CHID1: variants seen among roughly 807,000 people sequenced by gnomAD.
CHID1 encodes chitinase domain containing 1, also known as chitinase domain-containing protein 1.
A neutral mutation model predicts 55.4 loss-of-function variants in CHID1; 44 were observed. The observed-to-expected ratio is 0.79, with a 90% confidence interval of 0.62 to 1.02. The LOEUF (loss-of-function observed/expected upper bound fraction) is 1.02, where lower values mean the gene tolerates loss of function less well. Among genes scored for constraint, CHID1 ranks in the 50% least tolerant of loss-of-function variants. The pLI is 0.00. For synonymous variants in CHID1, 216 were observed against 212.9 expected (o/e 1.01, Z -0.13); for missense variants, 491 against 515.3 (o/e 0.95, Z 0.46).
intron 7 of CHID1, among the ~76,000 whole-genome samples, chr11:898,524 G>A (rs569974132): frequency 6.6e-6 from 1 of 152,364 alleles, no homozygotes; most frequent in South Asian, 2.1e-4. Flanking sequence ...TGTCGAGGAC[G>A]CCCCCTACCA....
intron 7 of CHID1, among the ~76,000 whole-genome samples, chr11:896,941 A>C (rs1589876778): frequency 2.5e-5 from 1 of 40,510 alleles, no homozygotes; most frequent in African/African-American, 1.2e-4. Context: ...CAGCACCCCC[A>C]GCCTCCACCC....
chr11:908,942 C>A (rs1326278500), intron 1 of CHID1, among the ~76,000 whole-genome samples: 1 of 152,230 alleles, frequency 6.6e-6, no homozygotes, highest in Non-Finnish European at 1.5e-5. Context: ...AGAGGGGACA[C>A]TAGGAGAACC....
intron 1 of CHID1, chr11:910,564 C>G: frequency 8.8e-7 from 1 of 1,131,950 alleles, no homozygotes. Flanking sequence ...CACCCTCGCT[C>G]TCATAGCAAC....
chr11:879,109 G>A (rs1416276231), intron 10 of CHID1, among the ~76,000 whole-genome samples: 1 of 152,212 alleles, frequency 6.6e-6, no homozygotes, highest in African/African-American at 2.4e-5. Context: ...GCCTCCCAAA[G>A]TGCTGGGATT....
At chr11:900,234 G>A (rs1851707893) in intron 5 of CHID1, 124 bp from the exon 6 acceptor site, 2 of 697,410 alleles carry the variant, frequency 2.9e-6, no homozygotes, top group Non-Finnish European at 5.0e-6. Context: ...ACAGTGAGGG[G>A]CAGGGAGGCC....
chr11:886,315 C>T (rs1352239873), intron 8 of CHID1, among the ~76,000 whole-genome samples: 2 of 151,692 alleles, frequency 1.3e-5, no homozygotes, highest in South Asian at 2.1e-4. Flanking sequence ...AAAAATTAGC[C>T]GGGTGTGGTG....
At chr11:897,671 C>G (rs1022614112) in intron 7 of CHID1, among the ~76,000 whole-genome samples, 2 of 152,222 alleles carry the variant, frequency 1.3e-5, no homozygotes, top group Admixed American at 6.5e-5. Flanking sequence ...AGTGCGCCTC[C>G]CAGCCTCCCT....
intron 4 of CHID1, 49 bp from the exon 5 acceptor site, chr11:901,029 G>T (rs1203403461): frequency 6.5e-7 from 1 of 1,537,674 alleles, no homozygotes; most frequent in Non-Finnish European, 8.8e-7. Flanking sequence ...CGCCCAACTG[G>T]AAGACCCAGC....
Position 869,159 on chromosome 11 carries a change from G to C in CHID1, c.*699C>G, listed in dbSNP as rs117072969. ...CCCGATATGGCCCACGGGTCCTGCC[G>C]TTGCCCCTCACCATGCTCCCTGATG... On this transcript the variant is annotated 3_prime_UTR_variant, in exon 13 of 13. Transcript: ENST00000323578. The C allele has an allele frequency of 1.3e-5, 2 of 152,586 alleles. No homozygotes were observed. Among genetic ancestry groups the C allele is most frequent in the Non-Finnish European group, 2.9e-5 (2 of 68,320 alleles). 9.5% of individuals were successfully genotyped at this position (152,586 alleles called of 1,614,324 possible). A position where few individuals can be genotyped will look rare whatever the true frequency, so the allele number is the denominator to read the frequency against.
intron 7 of CHID1, among the ~76,000 whole-genome samples, chr11:898,933 G>A (rs1181240108): frequency 6.6e-6 from 1 of 152,200 alleles, no homozygotes; most frequent in Non-Finnish European, 1.5e-5. Context: ...CGTGCTCAGG[G>A]ACACCCCCAG....
intron 4 of CHID1, among the ~76,000 whole-genome samples, chr11:901,656 T>C (rs1006754160): frequency 2.0e-5 from 3 of 152,274 alleles, no homozygotes; most frequent in Middle Eastern, 3.4e-3. Context: ...TGAGTCATTG[T>C]AGAGCCTGTC....
intron 10 of CHID1, among the ~76,000 whole-genome samples, chr11:871,254 G>A (rs1355948836): frequency 1.3e-5 from 2 of 152,130 alleles, no homozygotes; most frequent in Non-Finnish European, 2.9e-5. Context: ...GCCTCCCAAA[G>A]TGCTGGAATT....
At chr11:872,034 G>A (rs535782958) in intron 10 of CHID1, among the ~76,000 whole-genome samples, 9 of 152,344 alleles carry the variant, frequency 5.9e-5, no homozygotes, top group South Asian at 2.1e-4. Context: ...AGACCCCATC[G>A]GGTAGCTCTG....
At chr11:886,480 G>A (rs1850407585) in intron 8 of CHID1, among the ~76,000 whole-genome samples, 1 of 152,156 alleles carries the variant, frequency 6.6e-6, no homozygotes, top group African/African-American at 2.4e-5. Flanking sequence ...CTGTGGACAG[G>A]GTGCTTGTGT....
At chr11:899,317 C>A (rs1044927897) in intron 7 of CHID1, 23 bp downstream of exon 7, 1 of 1,586,824 alleles carries the variant, frequency 6.3e-7, no homozygotes, top group Admixed American at 1.8e-5. Flanking sequence ...GAGGGCCACC[C>A]ACCACCACCT....
intron 8 of CHID1, among the ~76,000 whole-genome samples, chr11:885,874 C>T (rs1193841503): frequency 2.0e-5 from 3 of 152,114 alleles, no homozygotes; most frequent in Non-Finnish European, 2.9e-5. Flanking sequence ...AAAAATGGGC[C>T]GGGCGCAGTG....
rs1247111548 is a variant in CHID1, at chr11:875,392, C to A, written c.960-4893G>T. Among the ~76,000 whole-genome samples, 1 of 152,222 alleles carries A rather than the reference C, an allele frequency of 6.6e-6. No homozygotes were observed. The highest frequency in any genetic ancestry group is 1.5e-5 in the Non-Finnish European group (1 of 68,046). ...TCGGGGAGGCGGGCGTGGCTGGGCC[C>A]GCAGGTAATGCCAGCCAGTCCCTGC... On this transcript the variant is annotated intron_variant, in intron 10 of 12. Coordinates refer to ENST00000323578, the MANE Select transcript of CHID1 (RefSeq NM_023947.4). The surrounding 1 kb of genome is among the most constrained non-coding windows in gnomAD (Gnocchi z 4.7).
chr11:907,352 G>A (rs933295073), intron 1 of CHID1, among the ~76,000 whole-genome samples: 1 of 152,114 alleles, frequency 6.6e-6, no homozygotes, highest in African/African-American at 2.4e-5. Context: ...ATGGTGGCAG[G>A]CGCCTGTAGT....
At position 883,158 on chromosome 11, in the gene CHID1, C is replaced by A. The variant is rs573813834; in HGVS notation, c.949G>T (p.Val317Phe). 1.3e-5 allele frequency: 21 copies of A among 1,611,290 alleles called. No individual in the cohort carries two copies. Among genetic ancestry groups the A allele is most frequent in the Admixed American group, 1.7e-5 (1 of 59,986 alleles). The change falls in exon 10 of 13, where the codon GTC becomes TTC. Residue 317 changes from valine (V) to phenylalanine (F), a missense_variant. Val to Phe is a conservative substitution (Grantham distance 50). Coordinates refer to ENST00000323578, the MANE Select transcript of CHID1 (RefSeq NM_023947.4). ...GAGCCCTTGGCTCACCTGGCCCCGA[C>A]AACAGGCTCACGGGCATCCTTGGAG... is the stretch of plus-strand genomic sequence containing the variant. ...ATSKDAREPV[V>F]GARYIQTLKD...
Sources: allele counts gnomAD v4.1 joint callset (sites outside exome capture counted in the v4.1 genomes callset), GRCh38; gene constraint gnomAD v4.1.1; non-coding constraint Gnocchi (gnomAD v3.1); transcripts MANE v1.5; gene names NCBI Gene and HGNC (gene_info 2026-07-23, HGNC 2026-07-21).